The following ITPR2 variants were observed in gnomAD, a reference collection of about 807,000 sequenced individuals.
The protein encoded by ITPR2 is inositol 1,4,5-trisphosphate receptor type 2, also known as inositol 1,4,5-trisphosphate-gated calcium channel ITPR2.
Under a neutral mutation model 317.1 loss-of-function variants are expected in ITPR2, and 207 were observed. The observed-to-expected ratio is 0.65, with a 90% CI of 0.58 to 0.73. ITPR2 has a LOEUF of 0.73. Ranked by LOEUF, ITPR2 falls within the 30% of genes least tolerant of loss-of-function variation. The pLI is 0.00. For synonymous variants in ITPR2, 1,156 were observed against 1,149.1 expected (o/e 1.01, Z -0.12); for missense variants, 2,613 against 3,284.0 (o/e 0.80, Z 4.99).
In ITPR2 at chr12:26,359,113, CCTTT is replaced by C. The variant is rs771087664; in HGVS notation, c.7858-18789_7858-18786del. 7.5e-4 allele frequency among the ~76,000 whole-genome samples: 114 copies of C among 152,342 alleles called. No homozygotes were observed. The Middle Eastern group carries it at 0.031, about 41-fold the overall frequency. On this transcript the variant is annotated intron_variant, in intron 55 of 56. Coordinates refer to ENST00000381340, the MANE Select transcript of ITPR2 (RefSeq NM_002223.4). ...GTTCTAGGAGGGCAGGGCTTTACTT[CCTTT>C]GTTTCTAGAGCCTAGAACAGTGTCA...
intron 49 of ITPR2, among the ~76,000 whole-genome samples, chr12:26,423,534 A>G (rs1940957391): frequency 6.6e-6 from 1 of 152,160 alleles, no homozygotes; most frequent in Non-Finnish European, 1.5e-5. Flanking sequence ...ATCTTTTTGT[A>G]ATATTTTACT....
chr12:26,583,904 T>G (rs1299666918), intron 32 of ITPR2, among the ~76,000 whole-genome samples: 1 of 152,196 alleles, frequency 6.6e-6, no homozygotes, highest in East Asian at 1.9e-4. Context: ...AAAATCCATC[T>G]TTTGAAATAT....
intron 8 of ITPR2, 125 bp downstream of exon 8, chr12:26,715,174 T>C: frequency 2.3e-6 from 2 of 880,144 alleles, no homozygotes; most frequent in South Asian, 4.1e-5. Flanking sequence ...ACAAGTTGGT[T>C]CACAAAAATT....
rs1941347922 is a variant in ITPR2, at chr12:26,436,348, T to C, written c.6644-2A>G. 1.2e-6 allele frequency: 2 copies of C among 1,601,240 alleles called. No individual in the cohort carries two copies. Among genetic ancestry groups the C allele is most frequent in the Non-Finnish European group, 1.7e-6 (2 of 1,176,280 alleles). On this transcript the variant is annotated splice_acceptor_variant, in intron 47 of 56. Coordinates refer to ENST00000381340, the MANE Select transcript of ITPR2 (RefSeq NM_002223.4). LOFTEE classifies it high-confidence loss of function. The stretch of plus-strand genomic sequence containing the variant: ...AGAACCAGAACAGTGCAGGGTTATC[T>C]AGGAAGTGAGAAATGTAAAGGAACT...
At chr12:26,592,530 T>C (rs1229949119) in intron 32 of ITPR2, among the ~76,000 whole-genome samples, 1 of 152,192 alleles carries the variant, frequency 6.6e-6, no homozygotes, top group Non-Finnish European at 1.5e-5. Context: ...CTCATAAATA[T>C]ATACAGCTAC....
chr12:26,662,468 T>A (rs1264617473), intron 15 of ITPR2, among the ~76,000 whole-genome samples: 1 of 152,218 alleles, frequency 6.6e-6, no homozygotes, highest in African/African-American at 2.4e-5. Flanking sequence ...TCCTAGGCCC[T>A]AGTGGCTTAG....
intron 32 of ITPR2, among the ~76,000 whole-genome samples, chr12:26,590,433 T>C (rs775075112): frequency 6.6e-5 from 10 of 151,964 alleles, no homozygotes; most frequent in Admixed American, 2.0e-4. Flanking sequence ...CATAGACCAA[T>C]GGAACAGAAA....
rs559984551 is a variant in ITPR2, at chr12:26,513,950, G to A, written c.5074-18690C>T. 5.2e-3 allele frequency among the ~76,000 whole-genome samples: 792 copies of A among 151,224 alleles called. 2 individuals are homozygous for A. Among genetic ancestry groups the A allele is most frequent in the Non-Finnish European group, 8.9e-3 (604 of 67,740 alleles). On this transcript the variant is annotated intron_variant, in intron 37 of 56. Coordinates refer to ENST00000381340, the MANE Select transcript of ITPR2 (RefSeq NM_002223.4). ...TTTCCACCAAATTTGTCATTTGTCCGTTTGTCCCATGTTTGAACTTCTGAA... is the reference window on the plus strand; with the variant it reads ...TTTCCACCAAATTTGTCATTTGTCCATTTGTCCCATGTTTGAACTTCTGAA...
In ITPR2 at chr12:26,434,403, G is replaced by T. The variant is rs568127450; in HGVS notation, c.6769+1818C>A. Among the ~76,000 whole-genome samples the T allele has an allele frequency of 3.3e-5, 5 of 152,174 alleles. No individual in the cohort carries two copies. In the East Asian group the frequency reaches 7.7e-4, roughly 23 times the overall value. The stretch of plus-strand genomic sequence containing the variant: ...AGTATTACTATTATAACTATTATTG[G>T]CCAGGCAAGTATTACAAATACCATG... On this transcript the variant is annotated intron_variant, in intron 48 of 56. Transcript: ENST00000381340.
intron 40 of ITPR2, 134 bp from the exon 41 acceptor site, chr12:26,486,494 C>A: frequency 1.3e-6 from 1 of 778,408 alleles, no homozygotes; most frequent in Non-Finnish European, 2.0e-6. Flanking sequence ...CAACAATTTC[C>A]AAAAAGGATT....
At chr12:26,549,580 T>TA (rs943053667) in intron 37 of ITPR2, among the ~76,000 whole-genome samples, 4 of 151,914 alleles carry the variant, frequency 2.6e-5, no homozygotes, top group Admixed American at 1.3e-4. Context: ...GACAGCTAGC[T>TA]AAAAAAAATT....
In ITPR2 at chr12:26,829,775, A is replaced by G. The variant is rs185872965; in HGVS notation, c.92+2915T>C. Among the ~76,000 whole-genome samples the G allele has an allele frequency of 7.5e-4, 115 of 152,326 alleles. 1 individual carries two copies. The highest frequency in any genetic ancestry group is 4.4e-5 in the Non-Finnish European group (3 of 68,030). On this transcript the variant is annotated intron_variant, in intron 1 of 56. Coordinates refer to ENST00000381340, the MANE Select transcript of ITPR2 (RefSeq NM_002223.4). ...CAGAAGCAAGTACCAGGAGGGAGGCATGGTCATATCCAACCTCTGACTTCT... is the reference window on the plus strand; with the variant it reads ...CAGAAGCAAGTACCAGGAGGGAGGCGTGGTCATATCCAACCTCTGACTTCT...
intron 37 of ITPR2, among the ~76,000 whole-genome samples, chr12:26,499,851 A>G (rs1943031889): frequency 1.3e-5 from 2 of 152,214 alleles, no homozygotes; most frequent in Non-Finnish European, 2.9e-5. Flanking sequence ...AACATGGCAA[A>G]GTCACCCTAA....
intron 23 of ITPR2, among the ~76,000 whole-genome samples, 167 bp from the exon 24 acceptor site, chr12:26,624,523 A>C (rs559781222): frequency 6.6e-6 from 1 of 152,332 alleles, no homozygotes; most frequent in African/African-American, 2.4e-5. Context: ...AAAGATCTGA[A>C]TAGACATTTC....
intron 13 of ITPR2, among the ~76,000 whole-genome samples, chr12:26,676,104 G>A (rs184313802): frequency 6.6e-6 from 1 of 152,292 alleles, no homozygotes; most frequent in Non-Finnish European, 1.5e-5. Context: ...ATTGCAGTGA[G>A]CCAAGATCGT....
intron 55 of ITPR2, among the ~76,000 whole-genome samples, chr12:26,350,726 C>T (rs958574382): frequency 2.6e-5 from 4 of 152,010 alleles, no homozygotes; most frequent in African/African-American, 9.7e-5. Context: ...TGGCCCATTC[C>T]TCCTCCTTCC....
intron 37 of ITPR2, among the ~76,000 whole-genome samples, chr12:26,497,848 T>C (rs1474330263): frequency 6.6e-6 from 1 of 152,028 alleles, no homozygotes; most frequent in Non-Finnish European, 1.5e-5. Flanking sequence ...GTAGCTGGGA[T>C]TACAGGCACA....
Position 26,554,785 on chromosome 12 carries a change from T to C in ITPR2, c.4964+1448A>G, listed in dbSNP as rs77715878. ...ATCCTATTATCTTTGCTTTTTTTTT[T>C]CATTTAGTTCTTATGTTTAGATCTG... On this transcript the variant is annotated intron_variant, in intron 36 of 56. Coordinates refer to ENST00000381340, the MANE Select transcript of ITPR2 (RefSeq NM_002223.4). Among the ~76,000 whole-genome samples the C allele has an allele frequency of 2.0e-5, 3 of 152,300 alleles. No individual in the cohort carries two copies. The South Asian group carries it at 6.2e-4, about 32-fold the overall frequency.
chr12:26,368,951 G>A (rs1334893839), intron 55 of ITPR2, among the ~76,000 whole-genome samples: 2 of 152,202 alleles, frequency 1.3e-5, no homozygotes, highest in East Asian at 1.9e-4. Context: ...ACATAGTGGG[G>A]AGATGGGACC....
Sources: allele counts gnomAD v4.1 joint callset (sites outside exome capture counted in the v4.1 genomes callset), GRCh38; gene constraint gnomAD v4.1.1; transcripts MANE v1.5; gene names NCBI Gene and HGNC (gene_info 2026-07-23, HGNC 2026-07-21).